Variants in EPHA6 observed in about 807,000 individuals in gnomAD.
EPHA6 encodes the protein ephrin type-A receptor 6.
In EPHA6, 50 loss-of-function variants were observed where a neutral mutation model predicts 112.0. The ratio of observed to expected loss-of-function variants is 0.45; its 90% confidence interval spans 0.36 to 0.56. The LOEUF (loss-of-function observed/expected upper bound fraction) is 0.56, where lower values mean the gene tolerates loss of function less well. EPHA6 is among the 20% of genes least tolerant of loss of function. The pLI, the probability that EPHA6 is intolerant of heterozygous loss-of-function variation, is 0.00. For synonymous variants in EPHA6, 529 were observed against 490.7 expected, an observed-to-expected ratio of 1.08 and a Z score of -1.03; for missense variants, 1,280 against 1,417.4, an observed-to-expected ratio of 0.90 and a Z score of 1.56.
At chr3:97,240,326 A>G (rs1044284042) in intron 4 of EPHA6, among the ~76,000 whole-genome samples, 14 of 151,882 alleles carry the variant, frequency 9.2e-5, no homozygotes, top group Non-Finnish European at 5.9e-5. Context: ...TTGTAAACTC[A>G]GAAATATGAA....
At chr3:96,998,630 C>A (rs946812407) in intron 3 of EPHA6, among the ~76,000 whole-genome samples, 6 of 151,790 alleles carry the variant, frequency 4.0e-5, no homozygotes, top group African/African-American at 1.4e-4. Context: ...ATTTAATTGT[C>A]ATTTCTTGGG....
At chr3:97,242,163 T>C (rs2078866632) in intron 4 of EPHA6, among the ~76,000 whole-genome samples, 1 of 151,862 alleles carries the variant, frequency 6.6e-6, no homozygotes, top group African/African-American at 2.4e-5. Flanking sequence ...GATGTACCTA[T>C]AGGTAGCTGA....
chr3:97,622,234 A>T (rs2093819567), intron 13 of EPHA6, among the ~76,000 whole-genome samples: 1 of 151,704 alleles, frequency 6.6e-6, no homozygotes, highest in Non-Finnish European at 1.5e-5. Flanking sequence ...ACTTCTTTAA[A>T]ATCATTAAAC....
intron 9 of EPHA6, among the ~76,000 whole-genome samples, chr3:97,480,158 G>A (rs1454561649): frequency 6.6e-6 from 1 of 152,056 alleles, no homozygotes; most frequent in Non-Finnish European, 1.5e-5. Context: ...GGATTTAAGT[G>A]AGGAACTTTT....
chr3:97,330,545 G>A (rs532521385), intron 5 of EPHA6, among the ~76,000 whole-genome samples: 1 of 152,216 alleles, frequency 6.6e-6, no homozygotes, highest in Admixed American at 6.5e-5. Context: ...TCCCTTGTAA[G>A]TTGGATTCCT....
chr3:97,049,518 A>G (rs2045618964), intron 3 of EPHA6, among the ~76,000 whole-genome samples: 1 of 152,170 alleles, frequency 6.6e-6, no homozygotes, highest in African/African-American at 2.4e-5. Context: ...TTTCGGGTGG[A>G]TTTAGTAATC....
At position 97,035,620 on chromosome 3, in the gene EPHA6, G is replaced by A. The variant is rs537474205; in HGVS notation, c.1114+47627G>A. ...TTCAACACTATAGGATTTTTGTAGC[G>A]TACTCCATATTTGAAAATAATTTTC... On this transcript the variant is annotated intron_variant, in intron 3 of 17. Coordinates refer to ENST00000389672, the MANE Select transcript of EPHA6 (RefSeq NM_001080448.3). 3.2e-4 allele frequency among the ~76,000 whole-genome samples: 49 copies of A among 151,658 alleles called. 1 individual carries two copies. Among genetic ancestry groups the A allele is most frequent in the Middle Eastern group, 6.8e-3 (2 of 294 alleles).
At chr3:97,011,620 AT>A (rs145972254) in intron 3 of EPHA6, among the ~76,000 whole-genome samples, 2,763 of 152,010 alleles carry the variant, frequency 0.018, 72 homozygotes, top group African/African-American at 0.052. Flanking sequence ...CTAAAAATGT[AT>A]TTGTGATTTG....
intron 16 of EPHA6, among the ~76,000 whole-genome samples, chr3:97,739,072 C>A (rs2035394240): frequency 6.6e-6 from 1 of 152,064 alleles, no homozygotes; most frequent in Non-Finnish European, 1.5e-5. Context: ...TAAAGAATGC[C>A]TGTTTTATGC....
intron 5 of EPHA6, among the ~76,000 whole-genome samples, chr3:97,348,893 T>C (rs1340773406): frequency 6.6e-6 from 1 of 152,046 alleles, no homozygotes; most frequent in Non-Finnish European, 1.5e-5. Context: ...ACGGTTCTTC[T>C]TGGGTTTAGT....
chr3:96,855,982 G>C (rs948883497), intron 1 of EPHA6, among the ~76,000 whole-genome samples: 1 of 152,046 alleles, frequency 6.6e-6, no homozygotes, highest in Non-Finnish European at 1.5e-5. Context: ...TGGGAGGCCA[G>C]GGTTGCATAA....
At chr3:97,674,372 G>A (rs914530941) in intron 14 of EPHA6, among the ~76,000 whole-genome samples, 3 of 152,106 alleles carry the variant, frequency 2.0e-5, no homozygotes, top group Non-Finnish European at 2.9e-5. Flanking sequence ...TTTTATCCAC[G>A]TGAACATATA....
chr3:97,499,004 T>C (rs2107548242), intron 10 of EPHA6, among the ~76,000 whole-genome samples: 1 of 152,330 alleles, frequency 6.6e-6, no homozygotes, highest in African/African-American at 2.4e-5. Context: ...ATTACGATTA[T>C]AGAAACTTTT....
chr3:97,665,245 C>A (rs1312941158), intron 14 of EPHA6, among the ~76,000 whole-genome samples: 1 of 152,142 alleles, frequency 6.6e-6, no homozygotes, highest in Non-Finnish European at 1.5e-5. Context: ...ACAAATGGTG[C>A]TGGGAAAACT....
At chr3:96,955,100 T>G (rs2107733341) in intron 2 of EPHA6, among the ~76,000 whole-genome samples, 1 of 152,322 alleles carries the variant, frequency 6.6e-6, no homozygotes, top group South Asian at 2.1e-4. Context: ...TCTTTGTCTC[T>G]AATATTTCAC....
rs370198595 is a variant in EPHA6, at chr3:97,001,489, C to A, written c.1114+13496C>A. Among the ~76,000 whole-genome samples the A allele has an allele frequency of 1.4e-4, 21 of 151,896 alleles. No individual in the cohort carries two copies. In the South Asian group the frequency reaches 4.4e-3, roughly 32 times the overall value. ...CATGTGGCCTTTTTAGGAAATAATACTTTTTGTACTCAGTTTTTTCCTTCC... is the reference window on the plus strand; with the variant it reads ...CATGTGGCCTTTTTAGGAAATAATAATTTTTGTACTCAGTTTTTTCCTTCC... On this transcript the variant is annotated intron_variant, in intron 3 of 17. Coordinates refer to ENST00000389672, the MANE Select transcript of EPHA6 (RefSeq NM_001080448.3).
rs568354025 is a variant in EPHA6 at position 97,537,406 on chromosome 3, G to T, written c.2386+4863G>T. Among the ~76,000 whole-genome samples the T allele has an allele frequency of 8.9e-4, 135 of 152,216 alleles. 1 individual carries two copies. The highest frequency in any genetic ancestry group is 2.6e-3 in the African/African-American group (109 of 41,528). Reference sequence around the variant, plus strand: ...AAAACCTAGTGATAGAGAAAAGAAGGCTCAGTGCTCTTGAGAAGCCCATTT... The same window carrying T: ...AAAACCTAGTGATAGAGAAAAGAAGTCTCAGTGCTCTTGAGAAGCCCATTT... On this transcript the variant is annotated intron_variant, in intron 11 of 17. Coordinates refer to ENST00000389672, the MANE Select transcript of EPHA6 (RefSeq NM_001080448.3).
intron 6 of EPHA6, among the ~76,000 whole-genome samples, chr3:97,407,347 AACACAC>A (rs34259097): frequency 1.6e-4 from 24 of 147,282 alleles, no homozygotes; most frequent in South Asian, 2.2e-4. Flanking sequence ...ACTGAAATTA[AACACAC>A]ACACACACAC....
At chr3:97,167,687 A>G (rs2076575548) in intron 3 of EPHA6, among the ~76,000 whole-genome samples, 1 of 152,094 alleles carries the variant, frequency 6.6e-6, no homozygotes, top group East Asian at 1.9e-4. Flanking sequence ...ATCAAACTCT[A>G]AAGAATAGTG....
Sources: gnomAD v4.1 joint callset for allele counts (sites outside exome capture counted in the v4.1 genomes callset) on GRCh38, gnomAD v4.1.1 for gene constraint, MANE v1.5 for transcripts, NCBI Gene and HGNC (gene_info 2026-07-23, HGNC 2026-07-21) for gene names.